The following ARRDC5 variants were observed in gnomAD, a reference collection of about 807,000 sequenced individuals.
ARRDC5 encodes the protein arrestin domain-containing protein 5.
Under a neutral mutation model 13.3 loss-of-function variants are expected in ARRDC5, and 12 were observed. That is an observed-to-expected ratio of 0.90 (90% CI 0.58 to 1.46). The LOEUF is 1.46. Among genes scored for constraint, ARRDC5 ranks in the 40% most tolerant of loss-of-function variants. ARRDC5 has a pLI of 0.00. For missense variants in ARRDC5, 406 were observed against 418.7 expected (o/e 0.97, Z 0.26); for synonymous variants, 181 against 173.4 (o/e 1.04, Z -0.34).
At chr19:4,894,728 A>AGAAGAAGAG (rs2146245919) in intron 2 of ARRDC5, among the ~76,000 whole-genome samples, 2 of 141,102 alleles carry the variant, frequency 1.4e-5, no homozygotes, top group East Asian at 4.2e-4. Flanking sequence ...GAGAAGAAGA[A>AGAAGAAGAG]GAAGAGGAAG....
chr19:4,899,134 C>A (rs144147475), intron 1 of ARRDC5, among the ~76,000 whole-genome samples: 2,593 of 149,344 alleles, frequency 0.017, 68 homozygotes, highest in African/African-American at 0.061. Flanking sequence ...ACGGTGAAAC[C>A]CCGTCTGTAA....
chr19:4,896,596 C>A, intron 2 of ARRDC5, 75 bp downstream of exon 2: 1 of 1,166,060 alleles, frequency 8.6e-7, no homozygotes, highest in Non-Finnish European at 1.3e-6. Flanking sequence ...TTCTCTGTCC[C>A]CTGCCTGCCC....
In ARRDC5 at chr19:4,891,006, A is replaced by C; in HGVS notation, c.*40T>G. 2.2e-5 allele frequency: 34 copies of C among 1,542,628 alleles called. No homozygotes were observed. The highest frequency in any genetic ancestry group is 2.5e-5 in the Non-Finnish European group (29 of 1,137,714). ...GCAAGAGAGAGGGCTTCCTCCTGGT[A>C]GAGACTAATAAAGCTTTTAATATTT... is the stretch of plus-strand genomic sequence containing the variant. On this transcript the variant is annotated 3_prime_UTR_variant, in exon 3 of 3. Coordinates refer to ENST00000650722, the MANE Select transcript of ARRDC5 (RefSeq NM_001080523.3).
chr19:4,914,701 T>A, the ARRDC5 span, among the ~76,000 whole-genome samples: 2 of 151,926 alleles, frequency 1.3e-5, no homozygotes, highest in Admixed American at 6.6e-5. Context: ...ATAGCTGTCT[T>A]TTGCGGCACC....
upstream of ARRDC5, chr19:4,903,029 C>CTTTTTCCCTGGTTCT (rs57469214): frequency 8.9e-6 from 4 of 449,002 alleles, no homozygotes; most frequent in African/African-American, 2.2e-5. Context: ...CTCACTGGTT[C>CTTTTTCCCTGGTTCT]TTTTTTTTTT....
the ARRDC5 span, among the ~76,000 whole-genome samples, chr19:4,914,959 G>C: frequency 1.3e-5 from 2 of 152,186 alleles, no homozygotes; most frequent in Non-Finnish European, 2.9e-5. Flanking sequence ...GATGTTTGGG[G>C]CCAGGTCATC....
the ARRDC5 span, among the ~76,000 whole-genome samples, chr19:4,915,977 C>T: frequency 6.6e-6 from 1 of 152,060 alleles, no homozygotes. Flanking sequence ...GCCCCAGGAG[C>T]CTGTGTCTGT....
chr19:4,891,475 C>T lies in ARRDC5; in HGVS notation c.558G>A (p.Thr186=), dbSNP rs374018644. 1.7e-5 allele frequency: 28 copies of T among 1,613,782 alleles called. No homozygotes were observed. The highest frequency in any genetic ancestry group is 2.7e-5 in the African/African-American group (2 of 75,048). Residue 186 remains threonine, a synonymous_variant, in exon 3 of 3, where the codon ACG becomes ACA. Coordinates refer to ENST00000650722, the MANE Select transcript of ARRDC5 (RefSeq NM_001080523.3). ...LQIQMERNTF[T]PGEKVVFTTE... ...TTGTGAAGACGACCTTCTCTCCTGG[C>T]GTGAAGGTGTTCCTTTCCATCTGGA... is the stretch of plus-strand genomic sequence containing the variant.
the ARRDC5 span, chr19:4,910,546 A>T: frequency 3.1e-5 from 8 of 255,810 alleles, no homozygotes; most frequent in East Asian, 5.5e-4. Flanking sequence ...GAATAAACGA[A>T]CCAACTCGGC....
chr19:4,905,746 G>C (rs1418355503), upstream of ARRDC5, among the ~76,000 whole-genome samples: 2 of 151,946 alleles, frequency 1.3e-5, no homozygotes, highest in Admixed American at 1.3e-4. Flanking sequence ...TTGATCTCCT[G>C]ACCTCAGTGA....
At chr19:4,911,056 A>T in the ARRDC5 span, 3 of 1,556,594 alleles carry the variant, frequency 1.9e-6, no homozygotes. Context: ...CGCCGCCAGC[A>T]CCTTTGTTCT....
upstream of ARRDC5, among the ~76,000 whole-genome samples, chr19:4,906,639 G>A (rs982912639): frequency 6.6e-6 from 1 of 152,274 alleles, no homozygotes; most frequent in Middle Eastern, 3.4e-3. Context: ...TCTAGTTCCT[G>A]CTACTGGGGA....
chr19:4,911,105 C>CAGATGCACCA, the ARRDC5 span: 1 of 1,396,068 alleles, frequency 7.2e-7, no homozygotes, highest in Non-Finnish European at 9.5e-7. Context: ...AGCCACCAGC[C>CAGATGCACCA]GATACTTTCT....
intron 1 of ARRDC5, among the ~76,000 whole-genome samples, chr19:4,897,591 ACTG>A (rs2031777838): frequency 6.6e-6 from 1 of 152,040 alleles, no homozygotes; most frequent in Non-Finnish European, 1.5e-5. Flanking sequence ...GATCATGGTC[ACTG>A]CAGCCTCCAA....
chr19:4,895,441 A>G (rs1301747640), intron 2 of ARRDC5, among the ~76,000 whole-genome samples: 1 of 147,978 alleles, frequency 6.8e-6, no homozygotes, highest in African/African-American at 2.5e-5. Context: ...AAAAAAAAAA[A>G]AAAAAAGAAA....
chr19:4,906,732 A>G (rs2032071432), upstream of ARRDC5, among the ~76,000 whole-genome samples: 2 of 152,220 alleles, frequency 1.3e-5, no homozygotes, highest in African/African-American at 4.8e-5. Flanking sequence ...CAGGCTGGGC[A>G]CCAAAGCAAG....
chr19:4,901,147 C>T (rs1224767560), intron 1 of ARRDC5, among the ~76,000 whole-genome samples: 1 of 151,178 alleles, frequency 6.6e-6, no homozygotes, highest in Non-Finnish European at 1.5e-5. Flanking sequence ...CTCAAAAAAA[C>T]GAAAACAAAA....
upstream of ARRDC5, among the ~76,000 whole-genome samples, chr19:4,906,503 C>T (rs1169829836): frequency 6.6e-6 from 1 of 152,118 alleles, no homozygotes; most frequent in African/African-American, 2.4e-5. Context: ...CCTGTAATCC[C>T]AGCACTTTGG....
In ARRDC5 at chr19:4,891,223, C is replaced by T. The variant is rs1310777380; in HGVS notation, c.810G>A (p.Gln270=). The part of the protein sequence containing the change: ...PLLLSVSSST[Q]DGEIMHTRYE... ...AGCGAGTGTGCATGATCTCACCGTC[C>T]TGCGTGCTGCTGCTCACGGACAGCA... Residue 270 remains glutamine, a synonymous_variant, in exon 3 of 3, where the codon CAG becomes CAA. Coordinates refer to ENST00000650722, the MANE Select transcript of ARRDC5 (RefSeq NM_001080523.3). 1.9e-6 allele frequency: 3 copies of T among 1,613,874 alleles called. No individual in the cohort carries two copies. The highest frequency in any genetic ancestry group is 1.7e-5 in the Admixed American group (1 of 59,986).
Sources: gnomAD v4.1 joint callset for allele counts (sites outside exome capture counted in the v4.1 genomes callset) on GRCh38, gnomAD v4.1.1 for gene constraint, MANE v1.5 for transcripts, NCBI Gene and HGNC (gene_info 2026-07-23, HGNC 2026-07-21) for gene names.